The following RAB27B variants were observed in gnomAD, a reference collection of about 807,000 sequenced individuals.
RAB27B encodes the protein RAB27B, member RAS oncogene family, also known as ras-related protein Rab-27B.
RAB27B carries 15 observed loss-of-function variants against 24.6 expected under a neutral mutation model. That is an observed-to-expected ratio of 0.61 (90% CI 0.41 to 0.94). RAB27B has a LOEUF of 0.94. Ranked by LOEUF, RAB27B falls within the 40% of genes least tolerant of loss-of-function variation. The probability of loss-of-function intolerance (pLI) is 0.00; values close to 1 mark genes in which losing one functional copy is unlikely to be tolerated. For missense variants in RAB27B, 261 were observed against 266.8 expected (o/e 0.98, Z 0.15); for synonymous variants, 105 against 92.5 (o/e 1.14, Z -0.78).
intron 2 of RAB27B, among the ~76,000 whole-genome samples, chr18:54,784,717 G>A (rs938070469): frequency 3.3e-5 from 5 of 152,122 alleles, no homozygotes; most frequent in African/African-American, 4.8e-5. Context: ...ATCCACTGTC[G>A]ATAGGCACCT....
intron 2 of RAB27B, among the ~76,000 whole-genome samples, chr18:54,777,351 G>GGT (rs1185577371): frequency 6.6e-6 from 1 of 152,160 alleles, no homozygotes; most frequent in African/African-American, 2.4e-5. Flanking sequence ...TACAGGGATG[G>GGT]GTGCAGGTAG....
intron 2 of RAB27B, among the ~76,000 whole-genome samples, chr18:54,767,395 A>T (rs1908397904): frequency 6.6e-6 from 1 of 152,176 alleles, no homozygotes; most frequent in Non-Finnish European, 1.5e-5. Context: ...TATAGTTATC[A>T]GGTGAGGTAA....
chr18:54,738,917 G>C (rs956708299), intron 2 of RAB27B, among the ~76,000 whole-genome samples: 2 of 152,070 alleles, frequency 1.3e-5, no homozygotes, highest in African/African-American at 4.8e-5. Flanking sequence ...TCAAGATAGA[G>C]AATATTATCA....
At chr18:54,879,283 G>GA (rs940696451) in intron 2 of RAB27B, 86 bp from the exon 3 acceptor site, 11 of 1,011,094 alleles carry the variant, frequency 1.1e-5, no homozygotes, top group Non-Finnish European at 1.6e-5. Context: ...TAGTAATTGA[G>GA]AAAAAAACAT....
intron 2 of RAB27B, chr18:54,745,324 C>A: frequency 1.1e-5 from 2 of 179,784 alleles, no homozygotes; most frequent in South Asian, 2.5e-4. Context: ...CATGGGAGGT[C>A]ATGCCTGATC....
At chr18:54,787,573 G>A (rs1254007960) in intron 2 of RAB27B, among the ~76,000 whole-genome samples, 1 of 152,034 alleles carries the variant, frequency 6.6e-6, no homozygotes, top group East Asian at 1.9e-4. Flanking sequence ...CTCAGCCTAT[G>A]CAAACACACA....
upstream of RAB27B, among the ~76,000 whole-genome samples, chr18:54,826,416 A>G (rs1232229587): frequency 1.3e-5 from 2 of 151,662 alleles, no homozygotes; most frequent in African/African-American, 4.9e-5. Flanking sequence ...ATGTCTTCCT[A>G]CTCTTTCTCT....
chr18:54,728,898 A>AC (rs1909632132), intron 2 of RAB27B, among the ~76,000 whole-genome samples: 1 of 91,276 alleles, frequency 1.1e-5, no homozygotes, highest in Non-Finnish European at 2.4e-5. Flanking sequence ...AAAAAAAAAA[A>AC]AACCCAAAAA....
intron 2 of RAB27B, among the ~76,000 whole-genome samples, chr18:54,800,057 T>TA (rs1428912577): frequency 6.6e-6 from 1 of 152,184 alleles, no homozygotes; most frequent in Non-Finnish European, 1.5e-5. Flanking sequence ...TTCAAAGACT[T>TA]AACTAACTGT....
chr18:54,850,333 G>GAGATATATATATATATATATATATAT (rs869079784), intron 1 of RAB27B, among the ~76,000 whole-genome samples: 1 of 95,156 alleles, frequency 1.1e-5, no homozygotes, highest in African/African-American at 4.7e-5. Context: ...AAACAAACAG[G>GAGATATATATATATATATATATATAT]ATATATATAT....
At chr18:54,784,650 T>C (rs556209395) in intron 2 of RAB27B, among the ~76,000 whole-genome samples, 3 of 140,030 alleles carry the variant, frequency 2.1e-5, no homozygotes, top group Non-Finnish European at 4.9e-5. Context: ...GATTTTGTTC[T>C]TTTTTTATGG....
At chr18:54,727,955 G>C (rs1909593773) in intron 2 of RAB27B, among the ~76,000 whole-genome samples, 1 of 152,114 alleles carries the variant, frequency 6.6e-6, no homozygotes, top group African/African-American at 2.4e-5. Flanking sequence ...ACAGCTCCCT[G>C]ACTACAGCTA....
intron 2 of RAB27B, among the ~76,000 whole-genome samples, chr18:54,769,449 G>GTTT (rs144385263): frequency 4.0e-5 from 4 of 99,846 alleles, no homozygotes; most frequent in African/African-American, 1.2e-4. Context: ...TGTCCATCTT[G>GTTT]TTTTTTTGTT....
intron 1 of RAB27B, among the ~76,000 whole-genome samples, chr18:54,853,890 AT>A (rs1286536052): frequency 6.6e-6 from 1 of 151,756 alleles, no homozygotes; most frequent in Non-Finnish European, 1.5e-5. Context: ...TATCATTTGT[AT>A]TTTTTTGTGT....
Position 54,884,368 on chromosome 18 carries a change from C to T in RAB27B, c.275C>T (p.Ala92Val). ...CTCACCACTGCATTTTTCAGAGACG[C>T]CATGGGCTTCTTATTAATGTTTGAC... ...RSLTTAFFRD[A>V]MGFLLMFDLT... The change falls in exon 4 of 6, where the codon GCC becomes GTC. Residue 92 changes from alanine to valine, a missense_variant. By Grantham distance (64) the Ala-to-Val change is moderately conservative. Coordinates refer to ENST00000262094, the MANE Select transcript of RAB27B (RefSeq NM_004163.4). 1 of 1,612,916 alleles carries T rather than the reference C, an allele frequency of 6.2e-7. No homozygotes were observed. The highest frequency in any genetic ancestry group is 1.3e-5 in the African/African-American group (1 of 74,972).
At chr18:54,766,690 T>A (rs935862443) in intron 2 of RAB27B, among the ~76,000 whole-genome samples, 4 of 152,104 alleles carry the variant, frequency 2.6e-5, no homozygotes, top group Non-Finnish European at 5.9e-5. Context: ...ATATTAGAAA[T>A]CTATGGTGAG....
chr18:54,836,828 G>T (rs1910913129), intron 1 of RAB27B, among the ~76,000 whole-genome samples: 1 of 150,480 alleles, frequency 6.6e-6, no homozygotes, highest in Non-Finnish European at 1.5e-5. Flanking sequence ...AAGAATTAAT[G>T]ACATGCTTCA....
intron 1 of RAB27B, among the ~76,000 whole-genome samples, chr18:54,861,480 C>T (rs1326389879): frequency 6.6e-6 from 1 of 152,070 alleles, no homozygotes; most frequent in Non-Finnish European, 1.5e-5. Flanking sequence ...TGCTGTTTAG[C>T]CCATTGAATC....
At position 54,895,153 on chromosome 18, in the gene RAB27B, A is replaced by C. The variant is rs1913520299; in HGVS notation, c.*5740A>C. 1 of 152,080 alleles carries C rather than the reference A, an allele frequency of 6.6e-6. No homozygotes were observed. The highest frequency in any genetic ancestry group is 2.1e-4 in the South Asian group (1 of 4,828). 9.4% of individuals were successfully genotyped at this position (152,080 alleles called of 1,614,324 possible). ...GTGTGTTAAAAGTAGACGATGTTCT[A>C]ATATAACACTGAAGTGCTTCATTGT... On this transcript the variant is annotated 3_prime_UTR_variant, in exon 6 of 6. Transcript: ENST00000262094.
Sources: allele counts gnomAD v4.1 joint callset (sites outside exome capture counted in the v4.1 genomes callset), GRCh38; gene constraint gnomAD v4.1.1; transcripts MANE v1.5; gene names NCBI Gene and HGNC (gene_info 2026-07-23, HGNC 2026-07-21).